The following WHAMM variants were observed in gnomAD, a reference collection of about 807,000 sequenced individuals.
WHAMM encodes the protein WASP homolog associated with actin, golgi membranes and microtubules.
In WHAMM, 67 loss-of-function variants were observed where a neutral mutation model predicts 76.5. That is an observed-to-expected ratio of 0.88 (90% CI 0.72 to 1.07). WHAMM has a LOEUF of 1.07. Ranked by LOEUF, WHAMM falls within the 50% of genes least tolerant of loss-of-function variation. The pLI is 0.00. For missense variants in WHAMM, 1,021 were observed against 1,051.1 expected, an observed-to-expected ratio of 0.97 and a Z score of 0.40; for synonymous variants, 419 against 422.1, an observed-to-expected ratio of 0.99 and a Z score of 0.09.
At chr15:82,817,889 G>A (rs1348546996) in intron 3 of WHAMM, 31 bp from the exon 4 acceptor site, 3 of 1,480,224 alleles carry the variant, frequency 2.0e-6, no homozygotes, top group South Asian at 2.7e-5. Context: ...TTAATGAGGT[G>A]TAATTATATT....
intron 6 of WHAMM, among the ~76,000 whole-genome samples, chr15:82,823,706 C>T (rs1880208627): frequency 6.6e-6 from 1 of 152,166 alleles, no homozygotes; most frequent in Non-Finnish European, 1.5e-5. Context: ...GCTGGGTTTA[C>T]AGGCACGCGC....
chr15:82,819,144 T>C (rs975787317), intron 4 of WHAMM, among the ~76,000 whole-genome samples, 179 bp from the exon 5 acceptor site: 3 of 152,214 alleles, frequency 2.0e-5, no homozygotes, highest in Non-Finnish European at 4.4e-5. Context: ...TTTTCCTCTG[T>C]TTCAAGGATG....
rs773443880 is a variant in WHAMM at position 82,814,766 on chromosome 15, C to CTTTTTT, written c.783+1506_783+1511dup. On this transcript the variant is annotated intron_variant, in intron 2 of 9. Coordinates refer to ENST00000286760, the MANE Select transcript of WHAMM (RefSeq NM_001080435.3). ...CACACCCAGCCTATATTTTTCCTTT[C>CTTTTTT]TTTTTTTTTTTTTTTTTTTTTGAGA... is the stretch of plus-strand genomic sequence containing the variant. Among the ~76,000 whole-genome samples, 89 of 94,754 alleles carry CTTTTTT rather than the reference C, an allele frequency of 9.4e-4. 1 individual carries two copies. The highest frequency in any genetic ancestry group is 1.9e-3 in the East Asian group (6 of 3,170). The allele number at this position is 94,754 out of a possible 152,430, so 62.2% of individuals were successfully genotyped here.
rs777111461 is a variant in WHAMM at position 82,833,524 on chromosome 15, G to GT, written c.2419dup (p.Trp807LeufsTer24). The GT allele has an allele frequency of 2.5e-6, 4 of 1,613,382 alleles. No homozygotes were observed. The South Asian group carries it at 3.3e-5, about 13-fold the overall frequency. Reference sequence around the variant, plus strand: ...ACAGTGATGAGCAGGACCCTGGCCAGTGGGATGGTTAGGCTCAAGTTTGAC... The same window carrying GT: ...ACAGTGATGAGCAGGACCCTGGCCAGTTGGGATGGTTAGGCTCAAGTTTGAC... On this transcript the variant is annotated frameshift_variant, in exon 10 of 10. Transcript: ENST00000286760. LOFTEE classifies it high-confidence loss of function.
rs1435806095 is a variant in WHAMM, at chr15:82,809,983, G to C, written c.257G>C (p.Gly86Ala). ...SSWAGLLSAAGLRGAHRQLAA... is the reference protein window; with the variant it reads ...SSWAGLLSAAALRGAHRQLAA... ...TGGGCCGGCCTGCTCTCGGCCGCGG[G>C]GCTCCGCGGCGCGCACCGGCAGTTG... The change falls in exon 1 of 10, where the codon GGG (glycine) becomes GCG (alanine). Residue 86 changes from glycine to alanine, a missense_variant. Gly to Ala is a moderately conservative substitution (Grantham distance 60). Coordinates refer to ENST00000286760, the MANE Select transcript of WHAMM (RefSeq NM_001080435.3). 7.0e-6 allele frequency: 9 copies of C among 1,286,362 alleles called. No homozygotes were observed. The highest frequency in any genetic ancestry group is 2.5e-5 in the South Asian group (1 of 39,344). The allele number at this position is 1,286,362 out of a possible 1,614,324, so 79.7% of individuals were successfully genotyped here.
chr15:82,813,474 C>G (rs1412393206), intron 2 of WHAMM, among the ~76,000 whole-genome samples, 198 bp downstream of exon 2: 3 of 152,086 alleles, frequency 2.0e-5, no homozygotes, highest in African/African-American at 7.2e-5. Flanking sequence ...CTCAAGCAGT[C>G]TGTCCACCTT....
chr15:82,835,919 T>A lies in WHAMM; in HGVS notation c.*2383T>A, dbSNP rs531408322. The A allele has an allele frequency of 6.6e-6, 1 of 152,386 alleles. No homozygotes were observed. Among genetic ancestry groups the A allele is most frequent in the Non-Finnish European group, 1.5e-5 (1 of 68,032 alleles). The allele number at this position is 152,386 out of a possible 1,614,324, so 9.4% of individuals were successfully genotyped here. A position where few individuals can be genotyped will look rare whatever the true frequency, so the allele number is the denominator to read the frequency against. On this transcript the variant is annotated 3_prime_UTR_variant, in exon 10 of 10. Transcript: ENST00000286760. The stretch of plus-strand genomic sequence containing the variant: ...TCACAACTTTGTGGGACTTTTCTTA[T>A]GCATATTTTGCAGTTTGGCATTGTT...
In WHAMM at chr15:82,833,775, C is replaced by T. The variant is rs757045894; in HGVS notation, c.*239C>T. ...CGCCATCTCGGCTCACCGCAAGCTCCGCTTCCCAGGCTGGGGTGCAGTGGT... is the reference window on the plus strand; with the variant it reads ...CGCCATCTCGGCTCACCGCAAGCTCTGCTTCCCAGGCTGGGGTGCAGTGGT... On this transcript the variant is annotated 3_prime_UTR_variant, in exon 10 of 10. Transcript: ENST00000286760. 1.2e-4 allele frequency: 60 copies of T among 492,330 alleles called. No homozygotes were observed. Among genetic ancestry groups the T allele is most frequent in the African/African-American group, 9.6e-4 (50 of 51,896 alleles). 30.5% of individuals were successfully genotyped at this position (492,330 alleles called of 1,614,324 possible). A position where few individuals can be genotyped will look rare whatever the true frequency, so the allele number is the denominator to read the frequency against.
In WHAMM at chr15:82,830,796, T is replaced by C. The variant is rs1478970446; in HGVS notation, c.1839T>C (p.His613=). Residue 613 remains histidine (H), a synonymous_variant, in exon 9 of 10, where the codon CAT becomes CAC. Transcript: ENST00000286760. ...AAAGCCCCAAGTGTCAAAACTGTCA[T>C]GGAAATATCCCTGTCCAGGTTTTTG... ...NVKSPKCQNC[H]GNIPVQVFVP... 17 of 1,613,092 alleles carry C rather than the reference T, an allele frequency of 1.1e-5. No homozygotes were observed. The highest frequency in any genetic ancestry group is 1.4e-5 in the Non-Finnish European group (17 of 1,179,492).
intron 9 of WHAMM, among the ~76,000 whole-genome samples, chr15:82,832,120 G>A (rs2051040479): frequency 6.6e-6 from 1 of 152,234 alleles, no homozygotes; most frequent in South Asian, 2.1e-4. Flanking sequence ...TTGGAAGTGG[G>A]CAGATCTTTG....
At position 82,834,490 on chromosome 15, in the gene WHAMM, C is replaced by A. The variant is rs531077819; in HGVS notation, c.*954C>A. On this transcript the variant is annotated 3_prime_UTR_variant, in exon 10 of 10. Coordinates refer to ENST00000286760, the MANE Select transcript of WHAMM (RefSeq NM_001080435.3). ...GCACTTATTTCTCACCATGGCTGAT[C>A]TAGAATTGTTCCCTGATTCTGAAAG... 2.6e-5 allele frequency: 4 copies of A among 152,650 alleles called. No individual in the cohort carries two copies. The highest frequency in any genetic ancestry group is 2.6e-4 in the Admixed American group (4 of 15,276). The allele number at this position is 152,650 out of a possible 1,614,324, so 9.5% of individuals were successfully genotyped here. A position where few individuals can be genotyped will look rare whatever the true frequency, so the allele number is the denominator to read the frequency against.
rs2051096957 is a variant in WHAMM at position 82,834,397 on chromosome 15, A to T, written c.*861A>T. On this transcript the variant is annotated 3_prime_UTR_variant, in exon 10 of 10. Transcript: ENST00000286760. Reference sequence around the variant, plus strand: ...AACTGGGGAGGGACGTAGAGATGAGAGTTTCACACACCAGCCCATAGGTGG... The same window carrying T: ...AACTGGGGAGGGACGTAGAGATGAGTGTTTCACACACCAGCCCATAGGTGG... 1 of 152,394 alleles carries T rather than the reference A, an allele frequency of 6.6e-6. No homozygotes were observed. 9.4% of individuals were successfully genotyped at this position (152,394 alleles called of 1,614,324 possible).
chr15:82,814,326 T>G (rs1247610739), intron 2 of WHAMM, among the ~76,000 whole-genome samples: 1 of 152,214 alleles, frequency 6.6e-6, no homozygotes, highest in African/African-American at 2.4e-5. Flanking sequence ...GCCAGATGAT[T>G]GTATTATAAA....
At chr15:82,824,323 AAT>A (rs145305149) in intron 6 of WHAMM, among the ~76,000 whole-genome samples, 86 of 147,574 alleles carry the variant, frequency 5.8e-4, no homozygotes, top group Middle Eastern at 3.5e-3. Context: ...ACACCCGGCT[AAT>A]ATATATATAT....
intron 2 of WHAMM, among the ~76,000 whole-genome samples, chr15:82,816,172 A>T (rs1446361605): frequency 6.6e-6 from 1 of 152,240 alleles, no homozygotes; most frequent in Non-Finnish European, 1.5e-5. Flanking sequence ...CCCATCTTCA[A>T]ATATGATCAC....
chr15:82,833,884 C>T lies in WHAMM; in HGVS notation c.*348C>T, dbSNP rs1416036071. The T allele has an allele frequency of 2.3e-5, 5 of 216,058 alleles. No individual in the cohort carries two copies. In the South Asian group the frequency reaches 2.6e-4, roughly 11 times the overall value. The allele number at this position is 216,058 out of a possible 1,614,324, so 13.4% of individuals were successfully genotyped here. On this transcript the variant is annotated 3_prime_UTR_variant, in exon 10 of 10. Coordinates refer to ENST00000286760, the MANE Select transcript of WHAMM (RefSeq NM_001080435.3). ...CCTCCCGAGTAGCTGGGACTACAGG[C>T]GCCACCACCTTGCCCAACTAATTTT... is the stretch of plus-strand genomic sequence containing the variant.
rs752466131 is a variant in WHAMM, at chr15:82,816,679, C to G, written c.784-13C>G. 1 of 1,533,014 alleles carries G rather than the reference C, an allele frequency of 6.5e-7. No individual in the cohort carries two copies. Among genetic ancestry groups the G allele is most frequent in the Non-Finnish European group, 8.8e-7 (1 of 1,142,282 alleles). The allele number at this position is 1,533,014 out of a possible 1,614,324, so 95.0% of individuals were successfully genotyped here. ...TTAGCTCTTACTAAGAAAATTTTCC[C>G]TTCTGTCTGTAGAAGTCTTTGGATG... On this transcript the variant is annotated splice_polypyrimidine_tract_variant and intron_variant, in intron 2 of 9. Transcript: ENST00000286760.
At chr15:82,816,088 CCTCTT>C (rs1381379258) in intron 2 of WHAMM, among the ~76,000 whole-genome samples, 2 of 152,084 alleles carry the variant, frequency 1.3e-5, no homozygotes, top group African/African-American at 4.8e-5. Flanking sequence ...TCCTGTGTCT[CCTCTT>C]CTTTTTATAA....
At chr15:82,826,057 G>A (rs1256915465) in intron 6 of WHAMM, among the ~76,000 whole-genome samples, 1 of 152,114 alleles carries the variant, frequency 6.6e-6, no homozygotes, top group East Asian at 1.9e-4. Flanking sequence ...AGGTATGCTC[G>A]GAAATGTGAT....
Sources: allele counts gnomAD v4.1 joint callset (sites outside exome capture counted in the v4.1 genomes callset), GRCh38; gene constraint gnomAD v4.1.1; transcripts MANE v1.5; gene names NCBI Gene and HGNC (gene_info 2026-07-23, HGNC 2026-07-21).